UTS2B: variants seen among roughly 807,000 people sequenced by gnomAD.
UTS2B encodes the protein urotensin 2B, also known as urotensin-2B.
Under a neutral mutation model 19.2 loss-of-function variants are expected in UTS2B, and 21 were observed. That is an observed-to-expected ratio of 1.09 (90% CI 0.78 to 1.58). The LOEUF (loss-of-function observed/expected upper bound fraction) is 1.58. Among genes scored for constraint, UTS2B ranks in the 40% most tolerant of loss-of-function variants. UTS2B has a pLI of 0.00. For synonymous variants in UTS2B, 57 were observed against 50.2 expected (o/e 1.14, Z -0.58); for missense variants, 138 against 130.3 (o/e 1.06, Z -0.29).
chr3:191,279,213 A>C (rs1308530461), intron 5 of UTS2B, among the ~76,000 whole-genome samples: 2 of 152,162 alleles, frequency 1.3e-5, no homozygotes, highest in East Asian at 3.9e-4. Context: ...AAGATACCTA[A>C]TTGTTGCTCA....
intron 3 of UTS2B, among the ~76,000 whole-genome samples, chr3:191,314,773 C>T (rs1717401429): frequency 6.6e-6 from 1 of 152,114 alleles, no homozygotes; most frequent in Non-Finnish European, 1.5e-5. Context: ...ATCAATCATG[C>T]CTACATAATG....
the UTS2B span, among the ~76,000 whole-genome samples, chr3:191,339,417 T>C: frequency 6.6e-6 from 1 of 152,206 alleles, no homozygotes; most frequent in African/African-American, 2.4e-5. Context: ...AGGCAAGTGA[T>C]TCCTTTATAG....
intron 4 of UTS2B, among the ~76,000 whole-genome samples, chr3:191,296,872 G>T (rs1716870713): frequency 6.6e-6 from 1 of 152,214 alleles, no homozygotes; most frequent in Admixed American, 6.5e-5. Flanking sequence ...CTCCTAAATG[G>T]AGGAAATAAC....
intron 2 of UTS2B, among the ~76,000 whole-genome samples, chr3:191,317,032 G>A (rs1009193201): frequency 4.6e-5 from 7 of 152,262 alleles, no homozygotes; most frequent in African/African-American, 1.2e-4. Flanking sequence ...TCCCTTGGGC[G>A]GTCAATGGGA....
At chr3:191,278,431 G>A (rs1367222166) in intron 5 of UTS2B, among the ~76,000 whole-genome samples, 1 of 151,944 alleles carries the variant, frequency 6.6e-6, no homozygotes, top group Non-Finnish European at 1.5e-5. Context: ...TTACTTCTGA[G>A]TAGAAGAATT....
At chr3:191,324,827 T>C (rs1314400114) in intron 2 of UTS2B, among the ~76,000 whole-genome samples, 1 of 152,134 alleles carries the variant, frequency 6.6e-6, no homozygotes, top group Admixed American at 6.5e-5. Flanking sequence ...GGCAGGTAGA[T>C]CACTCGAGAT....
At chr3:191,299,538 A>G (rs1440739354) in intron 4 of UTS2B, among the ~76,000 whole-genome samples, 1 of 152,282 alleles carries the variant, frequency 6.6e-6, no homozygotes, top group Non-Finnish European at 1.5e-5. Context: ...ACAGAGTGCA[A>G]GAGTTGGGGC....
rs1173805499 is a variant in UTS2B, at chr3:191,326,157, GTTTT to G, written c.-586+2470_-586+2473del. ...TGTAATTTATTCATTTGCCTATATT[GTTTT>G]TTTAACTTACTTTTAATTTGTGATT... On this transcript the variant is annotated intron_variant, in intron 2 of 8. Transcript: ENST00000340524. Among the ~76,000 whole-genome samples the G allele has an allele frequency of 2.6e-5, 4 of 152,056 alleles. No individual in the cohort carries two copies. In the East Asian group the frequency reaches 7.7e-4, roughly 29 times the overall value.
chr3:191,280,388 C>A (rs887927866), intron 5 of UTS2B, among the ~76,000 whole-genome samples: 7 of 152,010 alleles, frequency 4.6e-5, no homozygotes, highest in Non-Finnish European at 1.0e-4. Flanking sequence ...TTCTAACACA[C>A]AGAAAAAAGC....
intron 4 of UTS2B, among the ~76,000 whole-genome samples, chr3:191,290,556 T>A (rs1432441356): frequency 6.6e-6 from 1 of 152,174 alleles, no homozygotes; most frequent in African/African-American, 2.4e-5. Flanking sequence ...ACCCACATGA[T>A]CTCTTGCCCA....
chr3:191,327,077 C>T (rs779512564), intron 2 of UTS2B, among the ~76,000 whole-genome samples: 4 of 152,204 alleles, frequency 2.6e-5, no homozygotes, highest in Non-Finnish European at 4.4e-5. Context: ...TTAAGCATAT[C>T]TTACTTTTGG....
rs117340948 is a variant in UTS2B at position 191,329,942 on chromosome 3, T to G, written c.-665+472A>C. ...GCCCGTTTTTTCTCAAGGGGGTGGT[T>G]GGGGGGGGGGGGGGCTAGCAGCAGC... On this transcript the variant is annotated intron_variant, in intron 1 of 8. Transcript: ENST00000340524. Among the ~76,000 whole-genome samples, 29,944 of 102,694 alleles carry G rather than the reference T, an allele frequency of 0.29. 4,300 individuals carry two copies. The highest frequency in any genetic ancestry group is 0.67 in the East Asian group (2,851 of 4,260). 67.4% of individuals were successfully genotyped at this position (102,694 alleles called of 152,430 possible).
At chr3:191,341,425 C>G in the UTS2B span, among the ~76,000 whole-genome samples, 2 of 152,078 alleles carry the variant, frequency 1.3e-5, no homozygotes, top group African/African-American at 4.8e-5. Flanking sequence ...GTCTTTTAGC[C>G]TGGAAGTAAG....
chr3:191,275,166 T>A, intron 8 of UTS2B, 86 bp downstream of exon 8: 1 of 1,002,636 alleles, frequency 1.0e-6, no homozygotes, highest in Non-Finnish European at 1.5e-6. Flanking sequence ...GATTAAGAAA[T>A]GCCAACTGAA....
chr3:191,336,589 A>G, the UTS2B span, among the ~76,000 whole-genome samples: 61 of 152,286 alleles, frequency 4.0e-4, no homozygotes, highest in Admixed American at 1.2e-3. Context: ...CAGTTTGCCC[A>G]TGTCCATGCT....
At chr3:191,315,321 A>G (rs1326072530) in intron 3 of UTS2B, among the ~76,000 whole-genome samples, 4 of 152,214 alleles carry the variant, frequency 2.6e-5, no homozygotes, top group Non-Finnish European at 5.9e-5. Flanking sequence ...CCTACTCTAC[A>G]AAATTAATCA....
chr3:191,278,055 C>A lies in UTS2B; in HGVS notation c.202+17G>T. 2 of 1,356,216 alleles carry A rather than the reference C, an allele frequency of 1.5e-6. No individual in the cohort carries two copies. The highest frequency in any genetic ancestry group is 1.5e-5 in the South Asian group (1 of 68,866). 84.0% of individuals were successfully genotyped at this position (1,356,216 alleles called of 1,614,324 possible). The stretch of plus-strand genomic sequence containing the variant: ...TTATTTTTTAATAAATAGAGCTTGA[C>A]TTTATGTTTAACTCACCAGTGTTGA... On this transcript the variant is annotated intron_variant, in intron 6 of 8. Transcript: ENST00000340524.
chr3:191,280,333 C>G (rs1305772975), intron 5 of UTS2B, among the ~76,000 whole-genome samples: 2 of 152,138 alleles, frequency 1.3e-5, no homozygotes, highest in East Asian at 3.8e-4. Flanking sequence ...TATATGGTCC[C>G]TACCAGATGT....
chr3:191,290,594 T>C (rs1439631488), intron 4 of UTS2B, among the ~76,000 whole-genome samples: 2 of 152,186 alleles, frequency 1.3e-5, no homozygotes, highest in East Asian at 1.9e-4. Context: ...AACACAGAGA[T>C]AGAAAATGAT....
Sources: allele counts gnomAD v4.1 joint callset (sites outside exome capture counted in the v4.1 genomes callset), GRCh38; gene constraint gnomAD v4.1.1; transcripts MANE v1.5; gene names NCBI Gene and HGNC (gene_info 2026-07-23, HGNC 2026-07-21).